Variants in AUTS2 observed in about 807,000 individuals in gnomAD.
AUTS2 encodes autism susceptibility gene 2 protein.
A neutral mutation model predicts 112.4 loss-of-function variants in AUTS2; 17 were observed. The ratio of observed to expected loss-of-function variants is 0.15; its 90% CI spans 0.10 to 0.23. AUTS2 has a LOEUF of 0.23. AUTS2 is among the 10% of genes least tolerant of loss of function. AUTS2 has a pLI of 1.00. For missense variants in AUTS2, 1,510 were observed against 1,701.6 expected, an observed-to-expected ratio of 0.89 and a Z score of 1.98; for synonymous variants, 751 against 702.7, an observed-to-expected ratio of 1.07 and a Z score of -1.09.
chr7:70,287,421 C>T (rs1788510085), intron 4 of AUTS2, among the ~76,000 whole-genome samples: 1 of 152,136 alleles, frequency 6.6e-6, no homozygotes, highest in Non-Finnish European at 1.5e-5. Context: ...ACAGTGTTTC[C>T]TGTCAGAAAT....
At position 70,304,565 on chromosome 7, in the gene AUTS2, G is replaced by A. The variant is rs529003627; in HGVS notation, c.661-131187G>A. Among the ~76,000 whole-genome samples, 4 of 152,234 alleles carry A rather than the reference G, an allele frequency of 2.6e-5. No homozygotes were observed. The East Asian group carries it at 5.8e-4, about 22-fold the overall frequency. ...GGTGGTACTCAGTTCTGGGTTGAAT[G>A]TCTTGTGAAAATCCTGTGAATACAT... On this transcript the variant is annotated intron_variant, in intron 4 of 18. Transcript: ENST00000342771.
intron 4 of AUTS2, among the ~76,000 whole-genome samples, chr7:70,235,592 T>C (rs899560773): frequency 1.3e-5 from 2 of 152,196 alleles, no homozygotes; most frequent in African/African-American, 4.8e-5. Context: ...GCTCTGCTTC[T>C]CTTGATAGAT....
At chr7:70,250,164 G>A (rs570236319) in intron 4 of AUTS2, among the ~76,000 whole-genome samples, 1 of 152,168 alleles carries the variant, frequency 6.6e-6, no homozygotes, top group South Asian at 2.1e-4. Flanking sequence ...TGAAGCCATT[G>A]TTTTATTCAA....
In AUTS2 at chr7:70,097,449, A is replaced by G. The variant is rs1044939907; in HGVS notation, c.523-20683A>G. ...CATGTGCATGTGTGTATGCATATGT[A>G]TAAAATATAGAGGTGATCACAAAGC... On this transcript the variant is annotated intron_variant, in intron 2 of 18. Coordinates refer to ENST00000342771, the MANE Select transcript of AUTS2 (RefSeq NM_015570.4). Among the ~76,000 whole-genome samples, 10 of 152,316 alleles carry G rather than the reference A, an allele frequency of 6.6e-5. No individual in the cohort carries two copies. The South Asian group carries it at 8.3e-4, about 13-fold the overall frequency.
chr7:70,687,722 T>G (rs576433628), intron 5 of AUTS2, among the ~76,000 whole-genome samples: 20 of 152,244 alleles, frequency 1.3e-4, no homozygotes, highest in African/African-American at 3.9e-4. Context: ...GCTATTGCAC[T>G]CTCCTTTCAG....
intron 4 of AUTS2, among the ~76,000 whole-genome samples, chr7:70,380,208 G>C (rs1793304212): frequency 6.6e-6 from 1 of 152,196 alleles, no homozygotes. Context: ...TGGCACAAAT[G>C]ACATTCTCTC....
At chr7:70,430,981 G>T (rs1457188583) in intron 4 of AUTS2, among the ~76,000 whole-genome samples, 1 of 151,772 alleles carries the variant, frequency 6.6e-6, no homozygotes, top group South Asian at 2.1e-4. Context: ...GACTACAGGC[G>T]CCCGCCAGCA....
chr7:70,010,156 T>C (rs1377468955), intron 2 of AUTS2, among the ~76,000 whole-genome samples: 7 of 151,936 alleles, frequency 4.6e-5, no homozygotes, highest in Admixed American at 4.6e-4. Context: ...TTTTAATTAA[T>C]TTTTTTTGAG....
chr7:70,732,991 C>T (rs530448212), intron 6 of AUTS2, among the ~76,000 whole-genome samples: 10 of 152,290 alleles, frequency 6.6e-5, no homozygotes, highest in African/African-American at 2.2e-4. Flanking sequence ...TCTGATTTTG[C>T]ATCTTATGCT....
chr7:69,759,652 C>T (rs994233785), intron 1 of AUTS2, among the ~76,000 whole-genome samples: 2 of 151,812 alleles, frequency 1.3e-5, no homozygotes, highest in Non-Finnish European at 2.9e-5. Flanking sequence ...TAGATCTCCT[C>T]AGTGCCTGTG....
intron 4 of AUTS2, among the ~76,000 whole-genome samples, chr7:70,220,128 G>T (rs763248109): frequency 2.0e-5 from 3 of 152,110 alleles, no homozygotes; most frequent in Non-Finnish European, 2.9e-5. Context: ...TAGAGCAGCC[G>T]CAGTCATAGA....
In AUTS2 at chr7:70,781,713, C is replaced by G. The variant is rs752826428; in HGVS notation, c.2103C>G (p.His701Gln). The G allele has an allele frequency of 4.3e-6, 7 of 1,614,210 alleles. No individual in the cohort carries two copies. The Admixed American group carries it at 1.2e-4, about 27-fold the overall frequency. ...CCAGTCTTTTTGGAGCCATCCACCACCCCCATGACCTGGCACGGCCTTCAA... is the reference window on the plus strand; with the variant it reads ...CCAGTCTTTTTGGAGCCATCCACCAGCCCCATGACCTGGCACGGCCTTCAA... The part of the protein sequence containing the change: ...PGPSLFGAIH[H>Q]PHDLARPSTL... The change falls in exon 15 of 19, where the codon CAC becomes CAG. Residue 701 changes from histidine (H) to glutamine (Q), a missense_variant. This residue lies in a region of AUTS2 where 187 missense variants were observed against 309.7 expected (regional missense o/e 0.60). Transcript: ENST00000342771.
At chr7:69,600,090 G>A (rs1792299164) in intron 1 of AUTS2, 128 bp downstream of exon 1, 1 of 1,011,004 alleles carries the variant, frequency 9.9e-7, no homozygotes, top group African/African-American at 1.7e-5. Flanking sequence ...GTCTGTCTAG[G>A]CTGAGGTCTT....
intron 5 of AUTS2, among the ~76,000 whole-genome samples, chr7:70,466,180 T>C (rs1046069801): frequency 2.6e-5 from 4 of 152,158 alleles, no homozygotes; most frequent in Non-Finnish European, 5.9e-5. Context: ...CAAGAGTCCT[T>C]CATGTTGAAG....
At chr7:70,669,863 G>A (rs189829188) in intron 5 of AUTS2, among the ~76,000 whole-genome samples, 25 of 152,270 alleles carry the variant, frequency 1.6e-4, no homozygotes, top group East Asian at 7.7e-4. Context: ...GATGCACATC[G>A]CATCTCACAC....
intron 4 of AUTS2, chr7:70,293,863 G>C (rs1254668645): frequency 6.6e-6 from 1 of 152,204 alleles, no homozygotes; most frequent in Non-Finnish European, 1.5e-5. Flanking sequence ...GGAGTGACCA[G>C]TGGCTTGAAG....
intron 4 of AUTS2, among the ~76,000 whole-genome samples, chr7:70,296,012 A>G (rs1175964540): frequency 1.3e-5 from 2 of 152,008 alleles, no homozygotes. Context: ...AAAAAGAATG[A>G]GCCATGCACC....
intron 1 of AUTS2, among the ~76,000 whole-genome samples, chr7:69,733,940 G>A (rs1222596626): frequency 6.6e-6 from 1 of 152,134 alleles, no homozygotes; most frequent in African/African-American, 2.4e-5. Context: ...CCACGGGAAG[G>A]CTGTTTTTTA....
At chr7:70,533,633 G>C (rs1292431768) in intron 5 of AUTS2, among the ~76,000 whole-genome samples, 1 of 152,180 alleles carries the variant, frequency 6.6e-6, no homozygotes, top group Non-Finnish European at 1.5e-5. Context: ...CTGTGTTATG[G>C]GTAAAGCCCT....
Sources: allele counts gnomAD v4.1 joint callset (sites outside exome capture counted in the v4.1 genomes callset), GRCh38; gene constraint gnomAD v4.1.1; regional missense constraint gnomAD v4.1.1; transcripts MANE v1.5; gene names NCBI Gene and HGNC (gene_info 2026-07-23, HGNC 2026-07-21).